SLC6A6: variants seen among roughly 807,000 people sequenced by gnomAD.
SLC6A6 encodes the protein sodium- and chloride-dependent taurine transporter.
SLC6A6 carries 16 observed loss-of-function variants against 68.8 expected under a neutral mutation model. That is an observed-to-expected ratio of 0.23 (90% CI 0.16 to 0.35). The LOEUF (loss-of-function observed/expected upper bound fraction) is 0.35. Ranked by LOEUF, SLC6A6 falls within the 10% of genes least tolerant of loss-of-function variation. The probability of loss-of-function intolerance (pLI) is 1.00; values close to 1 mark genes in which losing one functional copy is unlikely to be tolerated. For missense variants in SLC6A6, 474 were observed against 802.8 expected, an observed-to-expected ratio of 0.59 and a Z score of 4.95; for synonymous variants, 312 against 315.4, an observed-to-expected ratio of 0.99 and a Z score of 0.12.
chr3:14,476,963 G>T (rs532291917), intron 10 of SLC6A6, among the ~76,000 whole-genome samples: 1 of 152,256 alleles, frequency 6.6e-6, no homozygotes, highest in South Asian at 2.1e-4. Flanking sequence ...TATTTGGCCA[G>T]CTCGGTGTGG....
chr3:14,441,020 C>T (rs1214572887), intron 2 of SLC6A6, among the ~76,000 whole-genome samples: 2 of 152,304 alleles, frequency 1.3e-5, no homozygotes, highest in East Asian at 3.9e-4. Flanking sequence ...TGTAGGAAAT[C>T]AGAGCCTAGA....
intron 13 of SLC6A6, among the ~76,000 whole-genome samples, chr3:14,480,140 C>T (rs192339431): frequency 1.3e-5 from 2 of 152,170 alleles, no homozygotes; most frequent in African/African-American, 2.4e-5. Context: ...AGGAGGACCC[C>T]GGTGGCAGCT....
rs77050858 is a variant in SLC6A6 at position 14,425,808 on chromosome 3, T to A, written c.-12+9355T>A. On this transcript the variant is annotated intron_variant, in intron 2 of 14. Coordinates refer to ENST00000622186, the MANE Select transcript of SLC6A6 (RefSeq NM_003043.6). The stretch of plus-strand genomic sequence containing the variant: ...TTCCCCTCATCAGTTTCATTGAGAT[T>A]GGTCACACCCCTGGATATCAGCCAC... 6.1e-3 allele frequency among the ~76,000 whole-genome samples: 936 copies of A among 152,272 alleles called. 5 individuals carry two copies. Among genetic ancestry groups the A allele is most frequent in the Non-Finnish European group, 0.01 (688 of 68,030 alleles).
chr3:14,464,510 G>T (rs1700571144), intron 6 of SLC6A6, among the ~76,000 whole-genome samples: 1 of 152,222 alleles, frequency 6.6e-6, no homozygotes, highest in Non-Finnish European at 1.5e-5. Context: ...CTGCCTAGGG[G>T]TTGTTGGGCT....
chr3:14,441,429 G>A (rs1028229640), intron 2 of SLC6A6, among the ~76,000 whole-genome samples: 13 of 152,226 alleles, frequency 8.5e-5, no homozygotes, highest in African/African-American at 2.9e-4. Context: ...CGAATCCCGC[G>A]CCCGGCCCCG....
intron 6 of SLC6A6, among the ~76,000 whole-genome samples, 172 bp from the exon 7 acceptor site, chr3:14,466,344 A>G (rs1700619803): frequency 6.6e-6 from 1 of 151,762 alleles, no homozygotes; most frequent in Admixed American, 6.6e-5. Flanking sequence ...GGCAGCTGAG[A>G]CCCAGAGTGG....
chr3:14,421,103 G>C (rs111871306), intron 2 of SLC6A6, among the ~76,000 whole-genome samples: 1,707 of 152,342 alleles, frequency 0.011, 23 homozygotes, highest in African/African-American at 0.037. Flanking sequence ...CCTGGGGCAT[G>C]GAGATGGAGG....
At chr3:14,463,663 C>A (rs1033706194) in intron 6 of SLC6A6, among the ~76,000 whole-genome samples, 1 of 152,222 alleles carries the variant, frequency 6.6e-6, no homozygotes, top group African/African-American at 2.4e-5. Flanking sequence ...GGTTGGTTTT[C>A]TTTTTTCACT....
At position 14,481,001 on chromosome 3, in the gene SLC6A6, G is replaced by GT. The variant is rs1263649443; in HGVS notation, c.1552-669dup. Among the ~76,000 whole-genome samples, 1 of 152,260 alleles carries GT rather than the reference G, an allele frequency of 6.6e-6. No individual in the cohort carries two copies. The highest frequency in any genetic ancestry group is 2.4e-5 in the African/African-American group (1 of 41,470). Reference sequence around the variant, plus strand: ...GGTGGCTCAGAGATAGACATGGAGGGTGGCAGTGGGGGAAGAAAGGCTTTC... The same window carrying GT: ...GGTGGCTCAGAGATAGACATGGAGGGTTGGCAGTGGGGGAAGAAAGGCTTTC... On this transcript the variant is annotated intron_variant, in intron 13 of 14. Transcript: ENST00000622186. This position sits in a 1 kb window ranked among gnomAD's most constrained non-coding sequence, Gnocchi z 4.7.
chr3:14,467,568 C>G (rs1700649554), intron 7 of SLC6A6, among the ~76,000 whole-genome samples: 1 of 152,166 alleles, frequency 6.6e-6, no homozygotes, highest in South Asian at 2.1e-4. Context: ...GTGATATTTA[C>G]TTGCCCACTG....
At chr3:14,405,963 G>T (rs1699097987) in intron 1 of SLC6A6, among the ~76,000 whole-genome samples, 1 of 152,100 alleles carries the variant, frequency 6.6e-6, no homozygotes, top group Non-Finnish European at 1.5e-5. Context: ...TGGGGTAGTG[G>T]GCAGGAGGCA....
At chr3:14,484,731 A>T in intron 14 of SLC6A6, 136 bp from the exon 15 acceptor site, 2 of 796,926 alleles carry the variant, frequency 2.5e-6, no homozygotes, top group Non-Finnish European at 3.9e-6. Context: ...GGACAAAAAC[A>T]GGAGATCAGA....
At chr3:14,434,509 G>T (rs1165409465) in intron 2 of SLC6A6, among the ~76,000 whole-genome samples, 1 of 152,216 alleles carries the variant, frequency 6.6e-6, no homozygotes, top group Non-Finnish European at 1.5e-5. Context: ...CTGGCACATA[G>T]TAGGGTGAGT....
intron 5 of SLC6A6, among the ~76,000 whole-genome samples, chr3:14,453,216 G>T (rs978948581): frequency 2.6e-5 from 4 of 152,228 alleles, no homozygotes; most frequent in Non-Finnish European, 5.9e-5. Flanking sequence ...ATCTCTGAGT[G>T]CCGGCTGGAC....
chr3:14,440,899 C>T (rs982745138), intron 2 of SLC6A6, among the ~76,000 whole-genome samples: 5 of 152,118 alleles, frequency 3.3e-5, no homozygotes, highest in Non-Finnish European at 7.4e-5. Flanking sequence ...ATGCCAGGCA[C>T]GTGACAGGTC....
At chr3:14,425,816 C>A (rs777424182) in intron 2 of SLC6A6, among the ~76,000 whole-genome samples, 1 of 152,168 alleles carries the variant, frequency 6.6e-6, no homozygotes, top group African/African-American at 2.4e-5. Context: ...ATTGGTCACA[C>A]CCCTGGATAT....
At chr3:14,423,641 A>G (rs1233383200) in intron 2 of SLC6A6, among the ~76,000 whole-genome samples, 2 of 152,104 alleles carry the variant, frequency 1.3e-5, no homozygotes, top group Admixed American at 1.3e-4. Flanking sequence ...TGTCAAGAGA[A>G]TAGTATTTGG....
At position 14,449,211 on chromosome 3, in the gene SLC6A6, G is replaced by A. The variant is rs543951333; in HGVS notation, c.599+1395G>A. ...ACTGGTGTGGAGCCCTTACTTGGTC[G>A]GTCCGTGTCACTGTCGCTGCTCCAG... On this transcript the variant is annotated intron_variant, in intron 5 of 14. Coordinates refer to ENST00000622186, the MANE Select transcript of SLC6A6 (RefSeq NM_003043.6). 6.6e-5 allele frequency among the ~76,000 whole-genome samples: 10 copies of A among 152,342 alleles called. No homozygotes were observed. The South Asian group carries it at 1.7e-3, about 25-fold the overall frequency.
intron 3 of SLC6A6, chr3:14,444,076 C>A (rs774181267): frequency 2.6e-5 from 14 of 544,460 alleles, no homozygotes; most frequent in Non-Finnish European, 4.0e-5. Context: ...TTCTGCAGGG[C>A]CTTTCTGTGT....
Sources: gnomAD v4.1 joint callset for allele counts (sites outside exome capture counted in the v4.1 genomes callset) on GRCh38, gnomAD v4.1.1 for gene constraint, Gnocchi (gnomAD v3.1) non-coding constraint, MANE v1.5 for transcripts, NCBI Gene and HGNC (gene_info 2026-07-23, HGNC 2026-07-21) for gene names.